The following LRCH1 variants were observed in gnomAD, a reference collection of about 807,000 sequenced individuals.
LRCH1 encodes the protein leucine rich repeats and calponin homology domain containing 1, also known as leucine-rich repeat and calponin homology domain-containing protein 1.
LRCH1 carries 23 observed loss-of-function variants against 94.9 expected under a neutral mutation model. The observed-to-expected ratio is 0.24, with a 90% CI of 0.17 to 0.34. The LOEUF is 0.34. Ranked by LOEUF, LRCH1 falls within the 10% of genes least tolerant of loss-of-function variation. The probability of loss-of-function intolerance (pLI) is 1.00; values close to 1 mark genes in which losing one functional copy is unlikely to be tolerated. For synonymous variants in LRCH1, 364 were observed against 354.9 expected (o/e 1.03, Z -0.29); for missense variants, 790 against 945.9 (o/e 0.84, Z 2.16).
intron 1 of LRCH1, among the ~76,000 whole-genome samples, chr13:46,565,074 C>G (rs1008113127): frequency 1.3e-5 from 2 of 152,122 alleles, no homozygotes; most frequent in South Asian, 4.1e-4. Flanking sequence ...TCAGTTTCCT[C>G]GTCATAAAAT....
At chr13:46,579,803 G>GT (rs1403498688) in intron 1 of LRCH1, among the ~76,000 whole-genome samples, 26 of 152,134 alleles carry the variant, frequency 1.7e-4, no homozygotes, top group African/African-American at 6.3e-4. Flanking sequence ...CAAAAATCTT[G>GT]TTTAAACAAA....
chr13:46,696,314 TC>T (rs1566233051), intron 9 of LRCH1, among the ~76,000 whole-genome samples: 1 of 152,142 alleles, frequency 6.6e-6, no homozygotes, highest in Non-Finnish European at 1.5e-5. Context: ...CTACAAGGCT[TC>T]CCCAGATTAG....
intron 1 of LRCH1, among the ~76,000 whole-genome samples, chr13:46,611,968 C>G (rs1351002782): frequency 6.6e-6 from 1 of 152,208 alleles, no homozygotes; most frequent in Non-Finnish European, 1.5e-5. Context: ...AGTAGATACT[C>G]TTTCCATACT....
intron 1 of LRCH1, among the ~76,000 whole-genome samples, chr13:46,598,140 T>A (rs7995870): frequency 6.6e-6 from 1 of 152,066 alleles, no homozygotes; most frequent in Non-Finnish European, 1.5e-5. Context: ...AATTAGCCGG[T>A]CAAGGTGGCG....
intron 1 of LRCH1, among the ~76,000 whole-genome samples, chr13:46,557,544 C>T (rs117735705): frequency 0.073 from 5,952 of 81,456 alleles, 934 homozygotes; most frequent in Non-Finnish European, 0.15. Flanking sequence ...CCCATCTCTA[C>T]GAAAAATAAA....
At position 46,681,812 on chromosome 13, in the gene LRCH1, T is replaced by C; in HGVS notation, c.651T>C (p.Asn217=). ...AGTTGAAATCTCTACGAGAACTGAA[T>C]GTCAGAAGAAATTACCTTAAAGTTT... is the stretch of plus-strand genomic sequence containing the variant. The part of the protein sequence containing the change: ...IGQLKSLREL[N]VRRNYLKVLP... Residue 217 remains asparagine (N), a synonymous_variant, in exon 4 of 20, where the codon AAT becomes AAC. Coordinates refer to ENST00000389797, the MANE Select transcript of LRCH1 (RefSeq NM_001164211.2). 6.2e-7 allele frequency: 1 copy of C among 1,613,286 alleles called. No homozygotes were observed. Among genetic ancestry groups the C allele is most frequent in the Non-Finnish European group, 8.5e-7 (1 of 1,179,374 alleles).
chr13:46,660,796 T>C (rs2051438402), intron 2 of LRCH1, among the ~76,000 whole-genome samples: 1 of 152,230 alleles, frequency 6.6e-6, no homozygotes, highest in South Asian at 2.1e-4. Context: ...GTCTCAAATA[T>C]GTTCTTTATC....
At chr13:46,594,904 A>G (rs1566164888) in intron 1 of LRCH1, among the ~76,000 whole-genome samples, 1 of 152,150 alleles carries the variant, frequency 6.6e-6, no homozygotes, top group Non-Finnish European at 1.5e-5. Flanking sequence ...GAAAAACCTG[A>G]TTGACTCTAG....
intron 1 of LRCH1, among the ~76,000 whole-genome samples, chr13:46,557,665 A>G (rs973677049): frequency 2.0e-5 from 3 of 151,740 alleles, no homozygotes; most frequent in Non-Finnish European, 4.4e-5. Flanking sequence ...CAACATGGTA[A>G]AACCTCATCT....
At chr13:46,715,894 A>G (rs1404924034) in intron 16 of LRCH1, among the ~76,000 whole-genome samples, 2 of 151,994 alleles carry the variant, frequency 1.3e-5, no homozygotes, top group African/African-American at 4.8e-5. Context: ...TGGGGAAGGC[A>G]TTATAATACT....
intron 16 of LRCH1, among the ~76,000 whole-genome samples, chr13:46,721,112 A>G (rs1288351849): frequency 6.6e-6 from 1 of 152,188 alleles, no homozygotes; most frequent in Non-Finnish European, 1.5e-5. Flanking sequence ...CCCAGACACC[A>G]TTTCGTTATC....
At chr13:46,664,434 T>A (rs1308776692) in intron 2 of LRCH1, among the ~76,000 whole-genome samples, 1 of 152,200 alleles carries the variant, frequency 6.6e-6, no homozygotes, top group African/African-American at 2.4e-5. Context: ...ACAAAAATAC[T>A]TATCATTGTG....
intron 19 of LRCH1, among the ~76,000 whole-genome samples, chr13:46,739,453 A>G (rs140642299): frequency 1.3e-5 from 2 of 152,270 alleles, no homozygotes; most frequent in Non-Finnish European, 2.9e-5. Context: ...GCATTTTCCA[A>G]TTTTAATTTT....
chr13:46,663,522 T>C (rs2051475609), intron 2 of LRCH1, among the ~76,000 whole-genome samples: 1 of 152,174 alleles, frequency 6.6e-6, no homozygotes, highest in East Asian at 1.9e-4. Flanking sequence ...TGGATATTGT[T>C]CACTGCTGTG....
At chr13:46,741,596 T>C in intron 19 of LRCH1, 46 bp from the exon 20 acceptor site, 3 of 1,610,248 alleles carry the variant, frequency 1.9e-6, no homozygotes, top group Non-Finnish European at 2.5e-6. Flanking sequence ...GTATTTTTAA[T>C]TGTATGCACT....
rs1358291298 is a variant in LRCH1 at position 46,553,673 on chromosome 13, G to T, written c.277G>T (p.Gly93Trp). Residue 93 changes from glycine (G) to tryptophan (W), a missense_variant, in exon 1 of 20, where the codon GGG becomes TGG. Around this residue, in one of 3 missense-constraint regions of LRCH1, gnomAD observed 136 missense variants for 143.5 expected, o/e 0.95. Transcript: ENST00000389797. ...GGAATTTCCCCGTACCGCAGCCCCC[G>T]GGCACGACCTCTCGGACACGGTGCA... ...LKEFPRTAAP[G>W]HDLSDTVQAD... 6.2e-7 allele frequency: 1 copy of T among 1,610,014 alleles called. No individual in the cohort carries two copies. Among genetic ancestry groups the T allele is most frequent in the Non-Finnish European group, 8.5e-7 (1 of 1,179,164 alleles).
chr13:46,712,626 A>G (rs745450034), intron 15 of LRCH1, 29 bp downstream of exon 15: 1 of 1,571,862 alleles, frequency 6.4e-7, no homozygotes, highest in Non-Finnish European at 8.8e-7. Context: ...CCATTCTTAC[A>G]CTAAATAACT....
intron 4 of LRCH1, among the ~76,000 whole-genome samples, chr13:46,684,786 G>T (rs1416758109): frequency 1.3e-5 from 2 of 152,140 alleles, no homozygotes; most frequent in Admixed American, 6.5e-5. Flanking sequence ...GTTGAGCAAT[G>T]AACTAACTAC....
chr13:46,601,817 A>G (rs2050632043), intron 1 of LRCH1, among the ~76,000 whole-genome samples: 1 of 152,150 alleles, frequency 6.6e-6, no homozygotes, highest in South Asian at 2.1e-4. Context: ...TGTTAGGAAT[A>G]TAGGCTGGGC....
Sources: gnomAD v4.1 joint callset for allele counts (sites outside exome capture counted in the v4.1 genomes callset) on GRCh38, gnomAD v4.1.1 for gene constraint, gnomAD v4.1.1 regional missense constraint, MANE v1.5 for transcripts, NCBI Gene and HGNC (gene_info 2026-07-23, HGNC 2026-07-21) for gene names.